Variants in SULT1E1 observed in about 807,000 individuals in gnomAD.
SULT1E1 encodes the protein sulfotransferase 1E1.
A neutral mutation model predicts 33.6 loss-of-function variants in SULT1E1; 36 were observed. The ratio of observed to expected loss-of-function variants is 1.07; its 90% CI spans 0.82 to 1.41. SULT1E1 has a LOEUF of 1.41. SULT1E1 is among the 40% of genes most tolerant of loss of function. SULT1E1 has a pLI of 0.00. For synonymous variants in SULT1E1, 121 were observed against 111.7 expected (o/e 1.08, Z -0.53); for missense variants, 371 against 345.7 (o/e 1.07, Z -0.58).
At chr4:69,848,553 A>G (rs1042245785) in intron 5 of SULT1E1, among the ~76,000 whole-genome samples, 1 of 151,892 alleles carries the variant, frequency 6.6e-6, no homozygotes, top group Non-Finnish European at 1.5e-5. Context: ...AGTGAAATTT[A>G]TAGTGATCTT....
Position 69,841,946 on chromosome 4 carries a change from T to C in SULT1E1, c.*48A>G, listed in dbSNP as rs1720893458. ...TAAAATAAGAAAAAGTGGAGAATAA[T>C]GAAAAGAAATCTTTAATATCAGATA... is the stretch of plus-strand genomic sequence containing the variant. On this transcript the variant is annotated 3_prime_UTR_variant, in exon 8 of 8. Transcript: ENST00000226444. 9.9e-7 allele frequency: 1 copy of C among 1,009,426 alleles called. No individual in the cohort carries two copies. The highest frequency in any genetic ancestry group is 1.7e-5 in the African/African-American group (1 of 60,212). The allele number at this position is 1,009,426 out of a possible 1,614,324, so 62.5% of individuals were successfully genotyped here. A position where few individuals can be genotyped will look rare whatever the true frequency, so the allele number is the denominator to read the frequency against.
the SULT1E1 span, among the ~76,000 whole-genome samples, chr4:69,827,414 T>A: frequency 4.6e-5 from 7 of 152,084 alleles, no homozygotes; most frequent in Admixed American, 4.6e-4. Context: ...CAAACATCTG[T>A]TGACCCGTGT....
the SULT1E1 span, among the ~76,000 whole-genome samples, chr4:69,831,979 C>G: frequency 0.039 from 5,981 of 152,276 alleles, 388 homozygotes; most frequent in African/African-American, 0.14. Flanking sequence ...ACTTAGCAAT[C>G]CTCTCTCACA....
intron 4 of SULT1E1, 135 bp downstream of exon 4, chr4:69,854,082 C>A: frequency 1.9e-6 from 1 of 521,402 alleles, no homozygotes; most frequent in Admixed American, 3.6e-5. Context: ...ACAATATTGA[C>A]TGTATTTATT....
In SULT1E1 at chr4:69,845,452, T is replaced by A. The variant is rs148786744; in HGVS notation, c.592-1111A>T. ...ACCCATAAAAATTAAAAATTGAAAT[T>A]AAAAAAAGATGATGCTTCAAGACAC... On this transcript the variant is annotated intron_variant, in intron 6 of 7. Coordinates refer to ENST00000226444, the MANE Select transcript of SULT1E1 (RefSeq NM_005420.3). Among the ~76,000 whole-genome samples the A allele has an allele frequency of 1.2e-3, 187 of 151,152 alleles. 1 individual carries two copies. The highest frequency in any genetic ancestry group is 4.2e-3 in the African/African-American group (174 of 41,332).
At chr4:69,857,787 A>T in intron 1 of SULT1E1, 134 bp from the exon 2 acceptor site, 1 of 660,286 alleles carries the variant, frequency 1.5e-6, no homozygotes, top group African/African-American at 1.8e-5. Context: ...AAAACATAGT[A>T]AAGTTGCATA....
chr4:69,836,852 T>C (rs184119026), downstream of SULT1E1, among the ~76,000 whole-genome samples: 490 of 151,498 alleles, frequency 3.2e-3, 1 homozygote, highest in South Asian at 0.012. Context: ...AAATTGGAGA[T>C]TGAAATATAG....
the SULT1E1 span, among the ~76,000 whole-genome samples, chr4:69,823,259 T>C: frequency 2.0e-5 from 3 of 152,160 alleles, no homozygotes; most frequent in African/African-American, 7.2e-5. Flanking sequence ...TCAGGTTTAG[T>C]ATAGCCCTCA....
chr4:69,829,606 G>A, the SULT1E1 span, among the ~76,000 whole-genome samples: 1 of 152,132 alleles, frequency 6.6e-6, no homozygotes, highest in Admixed American at 6.5e-5. Flanking sequence ...ACATTCCCTT[G>A]CCACCCAAAT....
chr4:69,842,162 G>A, intron 7 of SULT1E1, 56 bp from the exon 8 acceptor site: 1 of 1,031,232 alleles, frequency 9.7e-7, no homozygotes, highest in Non-Finnish European at 1.5e-6. Context: ...GAATCATTAG[G>A]TTTGCTAATT....
In SULT1E1 at chr4:69,841,973, G is replaced by A; in HGVS notation, c.*21C>T. On this transcript the variant is annotated 3_prime_UTR_variant, in exon 8 of 8. Transcript: ENST00000226444. ...AAAAGAAATCTTTAATATCAGATAT[G>A]TTAAGTAAAGAAAGACCTTCTTAGA... 1 of 1,290,950 alleles carries A rather than the reference G, an allele frequency of 7.7e-7. No homozygotes were observed. The allele number at this position is 1,290,950 out of a possible 1,614,324, so 80.0% of individuals were successfully genotyped here. A position where few individuals can be genotyped will look rare whatever the true frequency, so the allele number is the denominator to read the frequency against.
At chr4:69,843,990 T>C (rs912397090) in intron 7 of SULT1E1, among the ~76,000 whole-genome samples, 171 bp downstream of exon 7, 1 of 152,148 alleles carries the variant, frequency 6.6e-6, no homozygotes, top group Admixed American at 6.6e-5. Context: ...AATCAACAGG[T>C]AATTGCAATG....
intron 6 of SULT1E1, among the ~76,000 whole-genome samples, chr4:69,845,142 A>G (rs1331496900): frequency 6.6e-6 from 1 of 152,024 alleles, no homozygotes; most frequent in Admixed American, 6.6e-5. Flanking sequence ...TGTTTTATTT[A>G]CTTGTCTATC....
chr4:69,849,394 T>C (rs368582372), intron 5 of SULT1E1, 43 bp downstream of exon 5: 8 of 1,597,022 alleles, frequency 5.0e-6, no homozygotes, highest in African/African-American at 1.4e-5. Flanking sequence ...ATTTGTCTTA[T>C]AAAACCTTGA....
chr4:69,847,856 G>T (rs1721013943), intron 5 of SULT1E1, 64 bp from the exon 6 acceptor site: 2 of 899,204 alleles, frequency 2.2e-6, no homozygotes, highest in Non-Finnish European at 3.6e-6. Context: ...GAAAACTAGT[G>T]TTCAAGCAAC....
In SULT1E1 at chr4:69,854,312, C is replaced by T; in HGVS notation, c.274G>A (p.Val92Ile). 6.3e-7 allele frequency: 1 copy of T among 1,598,984 alleles called. No individual in the cohort carries two copies. The highest frequency in any genetic ancestry group is 1.3e-5 in the African/African-American group (1 of 74,702). The change falls in exon 4 of 8, where the codon GTA becomes ATA. Residue 92 changes from valine to isoleucine, a missense_variant and splice_region_variant. By Grantham distance (29) the Val-to-Ile change is conservative (BLOSUM62 3). Coordinates refer to ENST00000226444, the MANE Select transcript of SULT1E1 (RefSeq NM_005420.3). ...GAATTCATCTCATCTAATTGTTTTA[C>T]TCCTGATTTTTAAAAAAGTAAAGGT... ...ECRKENLMNG[V>I]KQLDEMNSPR... is the part of the protein sequence containing the mutation.
At chr4:69,847,154 ATTGAACCCATCTC>A in intron 6 of SULT1E1, among the ~76,000 whole-genome samples, 1 of 151,844 alleles carries the variant, frequency 6.6e-6, no homozygotes, top group East Asian at 1.9e-4. Context: ...CTAATCTATT[ATTGAACCCATCTC>A]TTAATTTTTC....
chr4:69,831,699 G>T, the SULT1E1 span, among the ~76,000 whole-genome samples: 4 of 152,068 alleles, frequency 2.6e-5, no homozygotes, highest in African/African-American at 9.7e-5. Flanking sequence ...TTTTCTGACC[G>T]ACCAGACCGT....
downstream of SULT1E1, among the ~76,000 whole-genome samples, chr4:69,836,615 C>T (rs989794521): frequency 3.3e-5 from 5 of 152,242 alleles, no homozygotes; most frequent in African/African-American, 9.6e-5. Context: ...CATTATCTTC[C>T]TTCCTGAGAG....
Sources: allele counts gnomAD v4.1 joint callset (sites outside exome capture counted in the v4.1 genomes callset), GRCh38; gene constraint gnomAD v4.1.1; transcripts MANE v1.5; gene names NCBI Gene and HGNC (gene_info 2026-07-23, HGNC 2026-07-21).